SLA2: variants seen among roughly 807,000 people sequenced by gnomAD.
The protein encoded by SLA2 is Src like adaptor 2, also known as src-like-adapter 2.
Under a neutral mutation model 27.3 loss-of-function variants are expected in SLA2, and 22 were observed. The observed-to-expected ratio is 0.81, with a 90% CI of 0.58 to 1.15. The LOEUF (loss-of-function observed/expected upper bound fraction) is 1.15, where lower values mean the gene tolerates loss of function less well. SLA2 is among the 50% of genes most tolerant of loss of function. SLA2 has a pLI of 0.00. For synonymous variants in SLA2, 131 were observed against 137.8 expected (o/e 0.95, Z 0.34); for missense variants, 304 against 322.2 (o/e 0.94, Z 0.43).
chr20:36,641,454 G>A (rs577008557), intron 1 of SLA2, 76 bp from the exon 2 acceptor site: 2 of 788,078 alleles, frequency 2.5e-6, no homozygotes, highest in East Asian at 2.8e-5. Flanking sequence ...CCCCAGATCG[G>A]CCCTGGCTAC....
intron 2 of SLA2, among the ~76,000 whole-genome samples, chr20:36,636,727 C>T (rs1033193168): frequency 6.7e-6 from 1 of 150,170 alleles, no homozygotes; most frequent in Non-Finnish European, 1.5e-5. Flanking sequence ...GCAGGCAGAT[C>T]GCCTGAGGTC....
chr20:36,615,175 C>T (rs749412188), intron 6 of SLA2, 50 bp downstream of exon 6: 100 of 1,612,622 alleles, frequency 6.2e-5, no homozygotes, highest in Admixed American at 2.0e-4. Context: ...CTGCCTGCTC[C>T]TCCCCACAGA....
chr20:36,639,396 T>TAC (rs72401143), intron 2 of SLA2, among the ~76,000 whole-genome samples: 16,409 of 146,760 alleles, frequency 0.11, 991 homozygotes, highest in Non-Finnish European at 0.16. Context: ...AAAAAATCTC[T>TAC]ACACACACAC....
chr20:36,624,599 GTC>G (rs1407700365), intron 5 of SLA2, among the ~76,000 whole-genome samples: 2 of 152,204 alleles, frequency 1.3e-5, no homozygotes, highest in African/African-American at 4.8e-5. Flanking sequence ...GAATGACTGA[GTC>G]TCTGTGATAA....
Position 36,624,751 on chromosome 20 carries a change from T to C in SLA2, c.382+7844A>G, listed in dbSNP as rs185683129. On this transcript the variant is annotated intron_variant, in intron 5 of 7. Coordinates refer to ENST00000262866, the MANE Select transcript of SLA2 (RefSeq NM_032214.4). ...TGCATGATTTGCAGCAAACACATAT[T>C]GAGCATTTACTAAGACCTACCCTTC... Among the ~76,000 whole-genome samples the C allele has an allele frequency of 3.9e-5, 6 of 152,330 alleles. No individual in the cohort carries two copies. In the East Asian group the frequency reaches 1.2e-3, roughly 29 times the overall value.
chr20:36,627,078 G>T (rs1454786207), intron 5 of SLA2, among the ~76,000 whole-genome samples: 1 of 152,066 alleles, frequency 6.6e-6, no homozygotes, highest in African/African-American at 2.4e-5. Flanking sequence ...AGAAGCGGAG[G>T]GCAGGCTTTC....
chr20:36,614,020 C>T (rs756916951), intron 7 of SLA2, 34 bp from the exon 8 acceptor site: 10 of 1,611,294 alleles, frequency 6.2e-6, no homozygotes, highest in East Asian at 2.2e-5. Flanking sequence ...GGTCAAGAAG[C>T]CTCTTCCTCC....
At chr20:36,641,445 C>T (rs979560149) in intron 1 of SLA2, 67 bp from the exon 2 acceptor site, 5 of 856,038 alleles carry the variant, frequency 5.8e-6, no homozygotes, top group African/African-American at 1.7e-5. Context: ...CCTCTCCCTC[C>T]CCAGATCGGC....
chr20:36,615,014 CAGG>C (rs748342105), intron 6 of SLA2: 14 of 985,410 alleles, frequency 1.4e-5, no homozygotes, highest in Non-Finnish European at 1.7e-5. Context: ...TGAGCCTACA[CAGG>C]AGGTCTGTGG....
Position 36,612,920 on chromosome 20 carries a change from A to AGAG in SLA2, c.*943_*945dup, listed in dbSNP as rs2039157998. 1.8e-4 allele frequency: 28 copies of AGAG among 153,546 alleles called. 1 individual carries two copies. Among genetic ancestry groups the AGAG allele is most frequent in the Admixed American group, 1.8e-3 (28 of 15,536 alleles). The allele number at this position is 153,546 out of a possible 1,614,324, so 9.5% of individuals were successfully genotyped here. Reference sequence around the variant, plus strand: ...GGAATGGTAAGCCACAAAATGAAATAGAGATCTGAGAGCTAGGCTGGGTGC... The same window carrying AGAG: ...GGAATGGTAAGCCACAAAATGAAATAGAGGAGATCTGAGAGCTAGGCTGGGTGC... On this transcript the variant is annotated 3_prime_UTR_variant, in exon 8 of 8. Transcript: ENST00000262866.
At chr20:36,614,978 C>A in intron 6 of SLA2, 1 of 985,368 alleles carries the variant, frequency 1.0e-6, no homozygotes, top group Non-Finnish European at 1.2e-6. Flanking sequence ...TGAGTCAGAA[C>A]CAGAGTGGTA....
chr20:36,615,396 G>A, intron 5 of SLA2, 22 bp from the exon 6 acceptor site: 1 of 1,612,578 alleles, frequency 6.2e-7, no homozygotes, highest in East Asian at 2.2e-5. Flanking sequence ...GGGGTCCAGG[G>A]GTGGCACTGA....
intron 4 of SLA2, 59 bp downstream of exon 4, chr20:36,633,484 G>T: frequency 2.1e-6 from 3 of 1,429,448 alleles, no homozygotes; most frequent in South Asian, 1.1e-5. Flanking sequence ...ACAAAGGGGA[G>T]TTCTTGTGGG....
chr20:36,617,062 A>T lies in SLA2; in HGVS notation c.383-1688T>A, dbSNP rs143227359. Among the ~76,000 whole-genome samples, 979 of 151,884 alleles carry T rather than the reference A, an allele frequency of 6.4e-3. 4 individuals carry two copies. The highest frequency in any genetic ancestry group is 8.5e-3 in the Non-Finnish European group (579 of 67,936). ...AAGACTCTATAAATAAATAAATAAA[A>T]AACCCAAGGCCGGGGACGGGTGCAG... On this transcript the variant is annotated intron_variant, in intron 5 of 7. Coordinates refer to ENST00000262866, the MANE Select transcript of SLA2 (RefSeq NM_032214.4).
chr20:36,638,712 G>A (rs113215850), intron 2 of SLA2, among the ~76,000 whole-genome samples: 150 of 152,284 alleles, frequency 9.9e-4, no homozygotes, highest in Middle Eastern at 3.4e-3. Context: ...TCTGTCCAGG[G>A]GAACAAGTAA....
intron 5 of SLA2, among the ~76,000 whole-genome samples, chr20:36,622,355 C>CA (rs796971769): frequency 0.013 from 1,281 of 95,110 alleles, 13 homozygotes; most frequent in African/African-American, 0.03. Context: ...GACTCCATCT[C>CA]AAAAAAAAAA....
chr20:36,641,842 G>C (rs536315213), intron 1 of SLA2, among the ~76,000 whole-genome samples: 6 of 152,012 alleles, frequency 3.9e-5, no homozygotes, highest in Admixed American at 1.3e-4. Context: ...AGGCATACCA[G>C]GAACTGTGGC....
intron 5 of SLA2, among the ~76,000 whole-genome samples, chr20:36,617,095 C>T (rs942880680): frequency 9.2e-5 from 14 of 151,992 alleles, no homozygotes; most frequent in Non-Finnish European, 1.5e-4. Context: ...CAGTGGCTCA[C>T]GCCTGTAATC....
At position 36,612,353 on chromosome 20, in the gene SLA2, C is replaced by T; in HGVS notation, c.*1513G>A. The T allele has an allele frequency of 2.5e-6, 2 of 812,740 alleles. No individual in the cohort carries two copies. Among genetic ancestry groups the T allele is most frequent in the South Asian group, 1.6e-5 (1 of 63,040 alleles). 50.3% of individuals were successfully genotyped at this position (812,740 alleles called of 1,614,324 possible). A position where few individuals can be genotyped will look rare whatever the true frequency, so the allele number is the denominator to read the frequency against. ...GGAGCTGTCATTTAATTTGATGCAC[C>T]TCTGGATTCAGATGAAACATTAAAT... On this transcript the variant is annotated 3_prime_UTR_variant, in exon 8 of 8. Transcript: ENST00000262866.
Sources: gnomAD v4.1 joint callset for allele counts (sites outside exome capture counted in the v4.1 genomes callset) on GRCh38, gnomAD v4.1.1 for gene constraint, MANE v1.5 for transcripts, NCBI Gene and HGNC (gene_info 2026-07-23, HGNC 2026-07-21) for gene names.